The following LYNX1 variants were observed in gnomAD, a reference collection of about 807,000 sequenced individuals.
LYNX1 encodes ly-6/neurotoxin-like protein 1.
In LYNX1, 8 loss-of-function variants were observed where a neutral mutation model predicts 8.3. The ratio of observed to expected loss-of-function variants is 0.97; its 90% CI spans 0.57 to 1.74. The LOEUF (loss-of-function observed/expected upper bound fraction) is 1.74. Among genes scored for constraint, LYNX1 ranks in the 40% most tolerant of loss-of-function variants. LYNX1 has a pLI of 0.00. For synonymous variants in LYNX1, 73 were observed against 67.9 expected (o/e 1.08, Z -0.37); for missense variants, 158 against 159.7 (o/e 0.99, Z 0.06).
In LYNX1 at chr8:142,774,464, G is replaced by T. The variant is rs587757340; in HGVS notation, c.*703C>A. Reference sequence around the variant, plus strand: ...TTCAGGCCTGGTGCCCTCCCCGTGAGGGGGTGGGAAACGTCAAGGGGTTTG... The same window carrying T: ...TTCAGGCCTGGTGCCCTCCCCGTGATGGGGTGGGAAACGTCAAGGGGTTTG... On this transcript the variant is annotated 3_prime_UTR_variant, in exon 4 of 4. Transcript: ENST00000652477. 4.1e-6 allele frequency: 4 copies of T among 985,768 alleles called. No individual in the cohort carries two copies. In the South Asian group the frequency reaches 1.9e-4, roughly 46 times the overall value. The allele number at this position is 985,768 out of a possible 1,614,324, so 61.1% of individuals were successfully genotyped here. A position where few individuals can be genotyped will look rare whatever the true frequency, so the allele number is the denominator to read the frequency against.
chr8:142,776,109 G>C lies in LYNX1; in HGVS notation c.-152C>G, dbSNP rs1815414797. ...CCTCCCGGAGCTCCTGGTCTACTGGGAGTGCTGCAACCCTGCACAGCAGGT... is the reference window on the plus strand; with the variant it reads ...CCTCCCGGAGCTCCTGGTCTACTGGCAGTGCTGCAACCCTGCACAGCAGGT... On this transcript the variant is annotated 5_prime_UTR_variant, in exon 2 of 4. Coordinates refer to ENST00000652477, the MANE Select transcript of LYNX1 (RefSeq NM_177477.4). 5 of 854,854 alleles carry C rather than the reference G, an allele frequency of 5.8e-6. No individual in the cohort carries two copies. In the South Asian group the frequency reaches 6.1e-5, roughly 10 times the overall value. 53.0% of individuals were successfully genotyped at this position (854,854 alleles called of 1,614,324 possible).
Position 142,773,784 on chromosome 8 carries a change from G to C in LYNX1, c.*1383C>G. 1.0e-6 allele frequency: 1 copy of C among 985,368 alleles called. No homozygotes were observed. Among genetic ancestry groups the C allele is most frequent in the Non-Finnish European group, 1.2e-6 (1 of 829,936 alleles). The allele number at this position is 985,368 out of a possible 1,614,324, so 61.0% of individuals were successfully genotyped here. On this transcript the variant is annotated 3_prime_UTR_variant, in exon 4 of 4. Transcript: ENST00000652477. ...GGGGCCGGGACAATCCTACCACATGGATATGTCACCATCCTGCCCATGCGG... is the reference window on the plus strand; with the variant it reads ...GGGGCCGGGACAATCCTACCACATGCATATGTCACCATCCTGCCCATGCGG...
chr8:142,772,148 C>T lies in LYNX1; in HGVS notation c.*3019G>A, dbSNP rs992926757. Reference sequence around the variant, plus strand: ...TATAACATCCTAGGGTGACAGAGCCCGCCCAAGCAGCCACTCCTGAGTCAC... The same window carrying T: ...TATAACATCCTAGGGTGACAGAGCCTGCCCAAGCAGCCACTCCTGAGTCAC... On this transcript the variant is annotated 3_prime_UTR_variant, in exon 4 of 4. Transcript: ENST00000652477. 3.4e-5 allele frequency: 34 copies of T among 986,066 alleles called. No homozygotes were observed. The highest frequency in any genetic ancestry group is 3.9e-5 in the Non-Finnish European group (32 of 830,194). 61.1% of individuals were successfully genotyped at this position (986,066 alleles called of 1,614,324 possible).
chr8:142,775,704 G>A lies in LYNX1; in HGVS notation c.53-10C>T, dbSNP rs754751432. On this transcript the variant is annotated splice_polypyrimidine_tract_variant and intron_variant, in intron 2 of 3. Transcript: ENST00000652477. Reference sequence around the variant, plus strand: ...CAGTCCAAGGCCTGGGCTGGGGTTGGCAGATGGGCGGGAAGGGAACGGGGG... The same window carrying A: ...CAGTCCAAGGCCTGGGCTGGGGTTGACAGATGGGCGGGAAGGGAACGGGGG... 1.9e-6 allele frequency: 3 copies of A among 1,583,962 alleles called. No individual in the cohort carries two copies. Among genetic ancestry groups the A allele is most frequent in the Non-Finnish European group, 2.6e-6 (3 of 1,164,718 alleles).
At position 142,774,300 on chromosome 8, in the gene LYNX1, C is replaced by T. The variant is rs587670074; in HGVS notation, c.*867G>A. On this transcript the variant is annotated 3_prime_UTR_variant, in exon 4 of 4. Coordinates refer to ENST00000652477, the MANE Select transcript of LYNX1 (RefSeq NM_177477.4). Reference sequence around the variant, plus strand: ...CCAGTCCTGCGTCTTTTGCCTTGCTCGGCTGGGTCCTGCTGTGGTTGGGGA... The same window carrying T: ...CCAGTCCTGCGTCTTTTGCCTTGCTTGGCTGGGTCCTGCTGTGGTTGGGGA... 2.0e-5 allele frequency: 20 copies of T among 985,656 alleles called. No homozygotes were observed. The Admixed American group carries it at 3.7e-4, about 18-fold the overall frequency. The allele number at this position is 985,656 out of a possible 1,614,324, so 61.1% of individuals were successfully genotyped here. A position where few individuals can be genotyped will look rare whatever the true frequency, so the allele number is the denominator to read the frequency against.
At chr8:142,777,608 C>G (rs536187083), upstream of LYNX1, among the ~76,000 whole-genome samples, 34 of 149,324 alleles carry the variant, frequency 2.3e-4, no homozygotes, top group African/African-American at 8.7e-4. Flanking sequence ...GGGCACCCGC[C>G]GAGCCGAGTT....
chr8:142,775,082 G>T lies in LYNX1; in HGVS notation c.*85C>A. The T allele has an allele frequency of 6.6e-7, 1 of 1,513,430 alleles. No individual in the cohort carries two copies. 93.8% of individuals were successfully genotyped at this position (1,513,430 alleles called of 1,614,324 possible). A position where few individuals can be genotyped will look rare whatever the true frequency, so the allele number is the denominator to read the frequency against. On this transcript the variant is annotated 3_prime_UTR_variant, in exon 4 of 4. Transcript: ENST00000652477. ...GGCTGAGGAGGTCGCAGGGAGTGTG[G>T]AGGGTGAGGCAGGGTGAGCTGGGTG...
At chr8:142,777,800 C>G, upstream of LYNX1, 1 of 398,256 alleles carries the variant, frequency 2.5e-6, no homozygotes, top group Non-Finnish European at 4.4e-6. Flanking sequence ...TCACCGCGTC[C>G]CGCGGCAGCC....
Position 142,774,146 on chromosome 8 carries a change from C to CCCCAG in LYNX1, c.*1020_*1021insCTGGG. On this transcript the variant is annotated 3_prime_UTR_variant, in exon 4 of 4. Coordinates refer to ENST00000652477, the MANE Select transcript of LYNX1 (RefSeq NM_177477.4). ...CTGCGGGGGAGGGGCTGGGTCTCCG[C>CCCCAG]CCTCCCCACCCCACCCTCCCCACTC... The CCCCAG allele has an allele frequency of 1.0e-6, 1 of 979,572 alleles. No individual in the cohort carries two copies. The allele number at this position is 979,572 out of a possible 1,614,324, so 60.7% of individuals were successfully genotyped here.
rs868790553 is a variant in LYNX1, at chr8:142,775,252, T to C, written c.266A>G (p.Asp89Gly). The C allele has an allele frequency of 1.2e-6, 2 of 1,613,580 alleles. No individual in the cohort carries two copies. Among genetic ancestry groups the C allele is most frequent in the Middle Eastern group, 1.6e-4 (1 of 6,062 alleles). ...HASTTSCCQY[D>G]LCNGTGLATP... ...GGCAAGGCCGGTGCCGTTGCAGAGG[T>C]CGTACTGGCAGCAGGAGGTGGTGGA... Residue 89 changes from aspartate (D) to glycine (G), a missense_variant, in exon 4 of 4, where the codon GAC becomes GGC. Physicochemically the swap from Asp to Gly is moderately conservative, Grantham distance 94. Transcript: ENST00000652477.
rs1464520638 is a variant in LYNX1, at chr8:142,774,418, A to G, written c.*749T>C. On this transcript the variant is annotated 3_prime_UTR_variant, in exon 4 of 4. Transcript: ENST00000652477. ...GCGTCCAGGACCCACCAAATATAGC[A>G]TGGCCCTAGCTCCTGCCAGCTTCAG... 1 of 985,658 alleles carries G rather than the reference A, an allele frequency of 1.0e-6. No homozygotes were observed. The highest frequency in any genetic ancestry group is 1.1e-4 in the East Asian group (1 of 8,786). 61.1% of individuals were successfully genotyped at this position (985,658 alleles called of 1,614,324 possible). A position where few individuals can be genotyped will look rare whatever the true frequency, so the allele number is the denominator to read the frequency against.
rs77175256 is a variant in LYNX1, at chr8:142,773,420, C to T, written c.*1747G>A. ...AGCAACTCCTTCCCAGCTCTGGGCC[C>T]AGTATGATGCCCATCTTCCCTCTGG... On this transcript the variant is annotated 3_prime_UTR_variant, in exon 4 of 4. Coordinates refer to ENST00000652477, the MANE Select transcript of LYNX1 (RefSeq NM_177477.4). 24,938 of 985,650 alleles carry T rather than the reference C, an allele frequency of 0.025. 361 individuals are homozygous for T. The highest frequency in any genetic ancestry group is 0.067 in the Middle Eastern group (129 of 1,916). 61.1% of individuals were successfully genotyped at this position (985,650 alleles called of 1,614,324 possible).
Position 142,774,149 on chromosome 8 carries a change from T to TGGGCCC in LYNX1, c.*1017_*1018insGGGCCC. 2 of 725,192 alleles carry TGGGCCC rather than the reference T, an allele frequency of 2.8e-6. No homozygotes were observed. The highest frequency in any genetic ancestry group is 1.6e-6 in the Non-Finnish European group (1 of 608,398). The allele number at this position is 725,192 out of a possible 1,614,324, so 44.9% of individuals were successfully genotyped here. ...CGGGGGAGGGGCTGGGTCTCCGCCC[T>TGGGCCC]CCCCACCCCACCCTCCCCACTCCCG... On this transcript the variant is annotated 3_prime_UTR_variant, in exon 4 of 4. Coordinates refer to ENST00000652477, the MANE Select transcript of LYNX1 (RefSeq NM_177477.4).
intron 2 of LYNX1, 35 bp downstream of exon 2, chr8:142,775,871 G>A: frequency 6.2e-7 from 1 of 1,613,298 alleles, no homozygotes; most frequent in Non-Finnish European, 8.5e-7. Flanking sequence ...CCTCAAAGTG[G>A]GTCTGCCCAT....
chr8:142,775,458 C>G lies in LYNX1; in HGVS notation c.155-95G>C, dbSNP rs1440902897. The G allele has an allele frequency of 5.7e-6, 9 of 1,574,302 alleles. No individual in the cohort carries two copies. In the African/African-American group the frequency reaches 6.7e-5, roughly 12 times the overall value. ...CATCCACAGCCATCAGGGCAGGGCC[C>G]CTCAGCCTGGAGCTCCCAGACAGGA... On this transcript the variant is annotated intron_variant, in intron 3 of 3. Transcript: ENST00000652477.
chr8:142,771,410 C>T lies in LYNX1; in HGVS notation c.*3757G>A. On this transcript the variant is annotated 3_prime_UTR_variant, in exon 4 of 4. Coordinates refer to ENST00000652477, the MANE Select transcript of LYNX1 (RefSeq NM_177477.4). ...AGACCAGCATTCCCATTTCACCACC[C>T]CTTACTCCTCAAGATGCAAATGAAG... is the stretch of plus-strand genomic sequence containing the variant. 2.0e-6 allele frequency: 2 copies of T among 985,494 alleles called. No homozygotes were observed. The highest frequency in any genetic ancestry group is 2.4e-6 in the Non-Finnish European group (2 of 829,986). 61.0% of individuals were successfully genotyped at this position (985,494 alleles called of 1,614,324 possible).
intron 2 of LYNX1, 35 bp downstream of exon 2, chr8:142,775,871 G>T (rs746265267): frequency 6.8e-6 from 11 of 1,613,178 alleles, no homozygotes; most frequent in Non-Finnish European, 9.3e-6. Flanking sequence ...CCTCAAAGTG[G>T]GTCTGCCCAT....
chr8:142,773,369 G>A lies in LYNX1; in HGVS notation c.*1798C>T. ...ACAACCACTGGGGGTAGGGGCGAGGGGAGTCCAGGCCCACCCTGTGCTGGC... is the reference window on the plus strand; with the variant it reads ...ACAACCACTGGGGGTAGGGGCGAGGAGAGTCCAGGCCCACCCTGTGCTGGC... On this transcript the variant is annotated 3_prime_UTR_variant, in exon 4 of 4. Coordinates refer to ENST00000652477, the MANE Select transcript of LYNX1 (RefSeq NM_177477.4). The A allele has an allele frequency of 1.0e-6, 1 of 985,922 alleles. No homozygotes were observed. Among genetic ancestry groups the A allele is most frequent in the Non-Finnish European group, 1.2e-6 (1 of 830,330 alleles). 61.1% of individuals were successfully genotyped at this position (985,922 alleles called of 1,614,324 possible). A position where few individuals can be genotyped will look rare whatever the true frequency, so the allele number is the denominator to read the frequency against.
Position 142,775,142 on chromosome 8 carries a change from C to T in LYNX1, c.*25G>A, listed in dbSNP as rs1240255810. 1 of 1,602,700 alleles carries T rather than the reference C, an allele frequency of 6.2e-7. No homozygotes were observed. Among genetic ancestry groups the T allele is most frequent in the East Asian group, 2.2e-5 (1 of 44,492 alleles). On this transcript the variant is annotated 3_prime_UTR_variant, in exon 4 of 4. Coordinates refer to ENST00000652477, the MANE Select transcript of LYNX1 (RefSeq NM_177477.4). The stretch of plus-strand genomic sequence containing the variant: ...AGCAGTGTGTCTCGAGAGCTTTGTT[C>T]TTGAGTGGGTCTGCCTCGGGGGCTT...
Sources: allele counts gnomAD v4.1 joint callset (sites outside exome capture counted in the v4.1 genomes callset), GRCh38; gene constraint gnomAD v4.1.1; transcripts MANE v1.5; gene names NCBI Gene and HGNC (gene_info 2026-07-23, HGNC 2026-07-21).